Variants in FER1L5 observed in about 807,000 individuals in gnomAD.
The protein encoded by FER1L5 is fer-1-like protein 5.
Under a neutral mutation model 279.9 loss-of-function variants are expected in FER1L5, and 187 were observed. The observed-to-expected ratio is 0.67, with a 90% CI of 0.59 to 0.75. FER1L5 has a LOEUF of 0.75. Among genes scored for constraint, FER1L5 ranks in the 30% least tolerant of loss-of-function variants. FER1L5 has a pLI of 0.00. For synonymous variants in FER1L5, 921 were observed against 989.7 expected (o/e 0.93, Z 1.30); for missense variants, 2,091 against 2,594.4 (o/e 0.81, Z 4.21).
chr2:96,701,978 C>T lies in FER1L5; in HGVS notation c.5094C>T (p.Asp1698=). Residue 1698 remains aspartate, a synonymous_variant, in exon 46 of 53, where the codon GAC becomes GAT. Coordinates refer to ENST00000624922, the MANE Select transcript of FER1L5 (RefSeq NM_001293083.2). ...IDQGKVQMWV[D]IFPKKLGPPG... is the part of the protein sequence containing the mutation. ...AGGGAAAGGTGCAAATGTGGGTGGA[C>T]ATCTTCCCCAAGAAGCTGGGGCCTC... 6.2e-7 allele frequency: 1 copy of T among 1,614,000 alleles called. No homozygotes were observed. The highest frequency in any genetic ancestry group is 8.5e-7 in the Non-Finnish European group (1 of 1,179,890).
rs140896709 is a variant in FER1L5 at position 96,645,171 on chromosome 2, G to A, written c.86-1230G>A. On this transcript the variant is annotated intron_variant, in intron 1 of 52. Coordinates refer to ENST00000624922, the MANE Select transcript of FER1L5 (RefSeq NM_001293083.2). Reference sequence around the variant, plus strand: ...GTTAGGGTACACTGGGCTTTGCTCCGGCAATAAATAAACCCTTAATTTTCA... The same window carrying A: ...GTTAGGGTACACTGGGCTTTGCTCCAGCAATAAATAAACCCTTAATTTTCA... 5.2e-3 allele frequency among the ~76,000 whole-genome samples: 786 copies of A among 152,176 alleles called. 2 individuals are homozygous for A. The highest frequency in any genetic ancestry group is 7.5e-3 in the African/African-American group (312 of 41,480).
At position 96,692,846 on chromosome 2, in the gene FER1L5, C is replaced by T. The variant is rs547447528; in HGVS notation, c.3293-660C>T. Reference sequence around the variant, plus strand: ...CACCCACATCGAGAGGCCCATGTGACGCTCCCTGATGCCAGGCCACTTGCT... The same window carrying T: ...CACCCACATCGAGAGGCCCATGTGATGCTCCCTGATGCCAGGCCACTTGCT... On this transcript the variant is annotated intron_variant, in intron 31 of 52. Transcript: ENST00000624922. 1.6e-4 allele frequency among the ~76,000 whole-genome samples: 25 copies of T among 152,172 alleles called. No individual in the cohort carries two copies. The South Asian group carries it at 4.6e-3, about 28-fold the overall frequency.
Position 96,698,466 on chromosome 2 carries a change from GT to G in FER1L5, c.4357-203del, listed in dbSNP as rs1209695348. 6.6e-6 allele frequency among the ~76,000 whole-genome samples: 1 copy of G among 152,130 alleles called. No homozygotes were observed. Among genetic ancestry groups the G allele is most frequent in the African/African-American group, 2.4e-5 (1 of 41,418 alleles). On this transcript the variant is annotated intron_variant, in intron 40 of 52. Coordinates refer to ENST00000624922, the MANE Select transcript of FER1L5 (RefSeq NM_001293083.2). The surrounding 1 kb of genome is among the most constrained non-coding windows in gnomAD (Gnocchi z 5.5). ...ACGGGGAACTCACCTACTGACTGCG[GT>G]TCCTTTGCCAACACCCTGTTTCAAC...
At chr2:96,688,758 C>T (rs955741133) in intron 24 of FER1L5, among the ~76,000 whole-genome samples, 8 of 152,040 alleles carry the variant, frequency 5.3e-5, no homozygotes, top group African/African-American at 1.7e-4. Context: ...CAGCGGGCAC[C>T]GGAGGACTGG....
chr2:96,700,104 G>C (rs749981142), intron 44 of FER1L5, 24 bp downstream of exon 44: 4 of 1,612,988 alleles, frequency 2.5e-6, no homozygotes, highest in Admixed American at 3.3e-5. Context: ...AACACTAGCA[G>C]AAAGCACAGA....
intron 43 of FER1L5, 55 bp from the exon 44 acceptor site, chr2:96,699,877 G>C: frequency 1.2e-6 from 2 of 1,603,948 alleles, no homozygotes; most frequent in African/African-American, 1.3e-5. Context: ...GCAGCTCACA[G>C]CAGTGTTCTT....
chr2:96,657,784 G>A (rs1264219042), intron 9 of FER1L5, among the ~76,000 whole-genome samples: 1 of 152,172 alleles, frequency 6.6e-6, no homozygotes, highest in African/African-American at 2.4e-5. Context: ...CTTGTCAGCA[G>A]TTCATTCCTT....
chr2:96,671,167 C>T (rs547606646), intron 18 of FER1L5, among the ~76,000 whole-genome samples: 3 of 141,864 alleles, frequency 2.1e-5, no homozygotes, highest in South Asian at 2.4e-4. Context: ...TGTGTTAATT[C>T]GTGACCTAGT....
Position 96,686,079 on chromosome 2 carries a change from G to A in FER1L5, c.2035G>A (p.Glu679Lys). The change falls in exon 22 of 53, where the codon GAG becomes AAG. Residue 679 changes from glutamate (E) to lysine (K), a missense_variant. By Grantham distance (56) the Glu-to-Lys change is moderately conservative. Coordinates refer to ENST00000624922, the MANE Select transcript of FER1L5 (RefSeq NM_001293083.2). The part of the protein sequence containing the change: ...AKPKDMVATA[E>K]DWLYRLNTVL... ...GCCCAAGGACATGGTGGCCACAGCG[G>A]AGGACTGGCTGTACCGCCTCAACAC... 1.9e-6 allele frequency: 3 copies of A among 1,551,586 alleles called. No individual in the cohort carries two copies. The highest frequency in any genetic ancestry group is 1.2e-5 in the South Asian group (1 of 84,054).
chr2:96,661,916 G>T (rs765859736), intron 12 of FER1L5, 125 bp downstream of exon 12: 7 of 1,366,964 alleles, frequency 5.1e-6, no homozygotes, highest in Non-Finnish European at 4.9e-6. Context: ...GGGGGACAGG[G>T]TGAGACTGGA....
chr2:96,665,366 G>A (rs2076092307), intron 14 of FER1L5, among the ~76,000 whole-genome samples: 1 of 152,096 alleles, frequency 6.6e-6, no homozygotes, highest in African/African-American at 2.4e-5. Context: ...CTGCCTTCCT[G>A]TGAGTCATCA....
intron 9 of FER1L5, among the ~76,000 whole-genome samples, chr2:96,658,995 G>A (rs2075710741): frequency 6.6e-6 from 1 of 152,002 alleles, no homozygotes. Flanking sequence ...ACCCAGGCTG[G>A]AGTGCAGTGG....
At position 96,684,440 on chromosome 2, in the gene FER1L5, C is replaced by T. The variant is rs1265389143; in HGVS notation, c.1783C>T (p.Arg595Trp). The change falls in exon 20 of 53, where the codon CGG (arginine) becomes TGG (tryptophan). Residue 595 changes from arginine to tryptophan, a missense_variant. Physicochemically the swap from Arg to Trp is moderately radical, Grantham distance 101. Transcript: ENST00000624922. Reference protein sequence around the residue: ...MNCLNLLHFTRDRLKANLDTL... With the variant: ...MNCLNLLHFTWDRLKANLDTL... ...CTGCCTCAACCTCCTCCACTTCACTCGGGACCGCCTGGTGAGTGGTGCGGG... is the reference window on the plus strand; with the variant it reads ...CTGCCTCAACCTCCTCCACTTCACTTGGGACCGCCTGGTGAGTGGTGCGGG... 3.2e-6 allele frequency: 5 copies of T among 1,551,444 alleles called. No homozygotes were observed. Among genetic ancestry groups the T allele is most frequent in the Non-Finnish European group, 4.4e-6 (5 of 1,146,900 alleles).
In FER1L5 at chr2:96,693,033, G is replaced by A. The variant is rs898029587; in HGVS notation, c.3293-473G>A. On this transcript the variant is annotated intron_variant, in intron 31 of 52. Transcript: ENST00000624922. ...TCTACTAAAAATACAAAAATTAGCC[G>A]GGCGTGGTGGCGGGCGGCTGTAATC... 9.2e-5 allele frequency among the ~76,000 whole-genome samples: 14 copies of A among 152,090 alleles called. No homozygotes were observed. In the East Asian group the frequency reaches 1.5e-3, roughly 17 times the overall value.
chr2:96,659,290 T>TGCCTTCCTGCC (rs2075732527), intron 9 of FER1L5, among the ~76,000 whole-genome samples: 6 of 80,942 alleles, frequency 7.4e-5, no homozygotes, highest in African/African-American at 3.0e-4. Context: ...TTTATCAAGC[T>TGCCTTCCTGCC]TTCCTTCCTT....
At chr2:96,656,557 A>G (rs1322459511) in intron 9 of FER1L5, among the ~76,000 whole-genome samples, 4 of 152,174 alleles carry the variant, frequency 2.6e-5, no homozygotes, top group Admixed American at 1.3e-4. Context: ...TTGAACCCAG[A>G]TGGTAGAGGT....
chr2:96,693,809 A>G (rs2077251236), intron 32 of FER1L5, 102 bp from the exon 33 acceptor site: 3 of 1,473,534 alleles, frequency 2.0e-6, no homozygotes, highest in Admixed American at 4.8e-5. Context: ...AGACAGCACC[A>G]TGGAAATTCA....
intron 9 of FER1L5, among the ~76,000 whole-genome samples, chr2:96,655,953 C>T (rs1220947775): frequency 6.6e-6 from 1 of 152,162 alleles, no homozygotes. Context: ...CTTAAGCCGT[C>T]CTCCCACCTC....
At chr2:96,686,625 C>T (rs969520703) in intron 23 of FER1L5, among the ~76,000 whole-genome samples, 2 of 151,966 alleles carry the variant, frequency 1.3e-5, no homozygotes, top group East Asian at 1.9e-4. Context: ...GAGGCTGAGG[C>T]GGGTGGATCA....
Sources: allele counts gnomAD v4.1 joint callset (sites outside exome capture counted in the v4.1 genomes callset), GRCh38; gene constraint gnomAD v4.1.1; non-coding constraint Gnocchi (gnomAD v3.1); transcripts MANE v1.5; gene names NCBI Gene and HGNC (gene_info 2026-07-23, HGNC 2026-07-21).